Variants in DYM observed in about 807,000 individuals in gnomAD.
DYM encodes the protein dymeclin.
Under a neutral mutation model 93.1 loss-of-function variants are expected in DYM, and 78 were observed. The observed-to-expected ratio is 0.84, with a 90% CI of 0.70 to 1.01. DYM has a LOEUF of 1.01. DYM is among the 50% of genes least tolerant of loss of function. The probability of loss-of-function intolerance (pLI) is 0.00; values close to 1 mark genes in which losing one functional copy is unlikely to be tolerated. For missense variants in DYM, 789 were observed against 845.0 expected (o/e 0.93, Z 0.82); for synonymous variants, 321 against 319.7 (o/e 1.00, Z -0.04).
intron 15 of DYM, among the ~76,000 whole-genome samples, chr18:49,155,497 C>A (rs2086301213): frequency 6.6e-6 from 1 of 152,178 alleles, no homozygotes; most frequent in South Asian, 2.1e-4. Flanking sequence ...TGAAACATTT[C>A]ATCACCTCCC....
At chr18:49,076,880 A>G (rs1161118706) in intron 17 of DYM, among the ~76,000 whole-genome samples, 2 of 152,210 alleles carry the variant, frequency 1.3e-5, no homozygotes. Context: ...AGTCTTCCTC[A>G]GAAGCTTAAC....
chr18:49,100,507 G>A (rs1169604860), intron 16 of DYM, among the ~76,000 whole-genome samples: 1 of 152,100 alleles, frequency 6.6e-6, no homozygotes, highest in Non-Finnish European at 1.5e-5. Context: ...AGCTGCAGAG[G>A]AGGCATGAAG....
chr18:49,188,153 G>A (rs1399827177), intron 14 of DYM, among the ~76,000 whole-genome samples: 1 of 152,160 alleles, frequency 6.6e-6, no homozygotes, highest in Admixed American at 6.5e-5. Context: ...CGTTCATTTG[G>A]CTGTTTGGGG....
intron 16 of DYM, chr18:49,114,409 G>T: frequency 3.6e-6 from 1 of 276,790 alleles, no homozygotes; most frequent in South Asian, 1.4e-4. Flanking sequence ...GTAAATAAGT[G>T]GCCCATTATT....
intron 14 of DYM, among the ~76,000 whole-genome samples, chr18:49,184,239 A>T (rs942662950): frequency 1.1e-4 from 16 of 148,204 alleles, no homozygotes; most frequent in Admixed American, 4.0e-4. Flanking sequence ...AAAAAACAAA[A>T]TTTTTTTTTT....
intron 6 of DYM, among the ~76,000 whole-genome samples, chr18:49,358,864 C>A (rs964044482): frequency 4.0e-5 from 6 of 151,672 alleles, no homozygotes; most frequent in Non-Finnish European, 8.8e-5. Context: ...GATACAAAGA[C>A]AAGGGAAAAA....
intron 13 of DYM, among the ~76,000 whole-genome samples, chr18:49,229,350 A>C (rs1435777077): frequency 1.3e-5 from 2 of 152,124 alleles, no homozygotes; most frequent in Non-Finnish European, 2.9e-5. Flanking sequence ...GGAAGAAATA[A>C]ATGTTTGCAA....
intron 13 of DYM, among the ~76,000 whole-genome samples, chr18:49,245,522 T>C (rs983746149): frequency 2.0e-5 from 3 of 152,114 alleles, no homozygotes; most frequent in Admixed American, 1.3e-4. Flanking sequence ...AGGACTGAAA[T>C]ACGCCCTGGT....
At chr18:49,169,344 A>G (rs1041902715) in intron 14 of DYM, among the ~76,000 whole-genome samples, 2 of 152,230 alleles carry the variant, frequency 1.3e-5, no homozygotes, top group Admixed American at 1.3e-4. Context: ...AAATCAGGCA[A>G]TCACAAAGGT....
At chr18:49,155,853 G>A (rs1345570067) in intron 15 of DYM, among the ~76,000 whole-genome samples, 1 of 152,048 alleles carries the variant, frequency 6.6e-6, no homozygotes, top group Non-Finnish European at 1.5e-5. Flanking sequence ...TTTGGCTATT[G>A]CAAATAATGG....
At chr18:49,044,294 G>A in intron 17 of DYM, 90 bp from the exon 18 acceptor site, 1 of 1,451,610 alleles carries the variant, frequency 6.9e-7, no homozygotes, top group Non-Finnish European at 9.6e-7. Flanking sequence ...GTGGTGTGCG[G>A]GGAGCCCACC....
intron 15 of DYM, among the ~76,000 whole-genome samples, chr18:49,147,175 C>T (rs1328441734): frequency 1.3e-5 from 2 of 152,048 alleles, no homozygotes; most frequent in Non-Finnish European, 2.9e-5. Context: ...CTCTTCCTTA[C>T]ACCTTACACA....
chr18:49,379,803 A>G (rs1006128701), intron 3 of DYM, 45 bp from the exon 4 acceptor site: 1 of 1,437,354 alleles, frequency 7.0e-7, no homozygotes, highest in Non-Finnish European at 9.8e-7. Flanking sequence ...TTAAGAACTA[A>G]AATCAAAGTG....
intron 17 of DYM, among the ~76,000 whole-genome samples, chr18:49,077,506 G>T (rs1255403626): frequency 2.0e-5 from 3 of 152,184 alleles, no homozygotes; most frequent in Non-Finnish European, 2.9e-5. Flanking sequence ...ATCAAGGTGA[G>T]GTAGTTGATA....
chr18:49,152,508 C>T (rs990694143), intron 15 of DYM, among the ~76,000 whole-genome samples: 5 of 152,238 alleles, frequency 3.3e-5, no homozygotes, highest in African/African-American at 4.8e-5. Flanking sequence ...TTTGCTTACT[C>T]GCTACAGACT....
intron 13 of DYM, among the ~76,000 whole-genome samples, chr18:49,228,432 A>G (rs2093603281): frequency 6.6e-6 from 1 of 152,170 alleles, no homozygotes; most frequent in African/African-American, 2.4e-5. Flanking sequence ...TAAAATCTTA[A>G]GAAAACCCCA....
At chr18:49,102,822 A>G (rs2080319911) in intron 16 of DYM, among the ~76,000 whole-genome samples, 1 of 152,146 alleles carries the variant, frequency 6.6e-6, no homozygotes, top group East Asian at 1.9e-4. Flanking sequence ...TCATTGATGG[A>G]CATTTGGCTT....
chr18:49,411,682 A>G (rs1196901852), intron 2 of DYM, among the ~76,000 whole-genome samples: 1 of 152,196 alleles, frequency 6.6e-6, no homozygotes, highest in Non-Finnish European at 1.5e-5. Flanking sequence ...TCAAACTGTA[A>G]GTTTCATAAC....
chr18:49,140,267 T>C (rs1241254572), intron 15 of DYM, among the ~76,000 whole-genome samples: 2 of 152,158 alleles, frequency 1.3e-5, no homozygotes, highest in Non-Finnish European at 2.9e-5. Flanking sequence ...TTGTACTCAG[T>C]TCTCAAAACC....
Sources: gnomAD v4.1 joint callset for allele counts (sites outside exome capture counted in the v4.1 genomes callset) on GRCh38, gnomAD v4.1.1 for gene constraint, MANE v1.5 for transcripts, NCBI Gene and HGNC (gene_info 2026-07-23, HGNC 2026-07-21) for gene names.